ZSCAN16: variants seen among roughly 807,000 people sequenced by gnomAD.
ZSCAN16 encodes zinc finger and SCAN domain containing 16.
A neutral mutation model predicts 19.4 loss-of-function variants in ZSCAN16; 15 were observed. The observed-to-expected ratio is 0.77, with a 90% CI of 0.52 to 1.19. The LOEUF (loss-of-function observed/expected upper bound fraction) is 1.19, where lower values mean the gene tolerates loss of function less well. Among genes scored for constraint, ZSCAN16 ranks in the 50% most tolerant of loss-of-function variants. ZSCAN16 has a pLI of 0.00. For synonymous variants in ZSCAN16, 138 were observed against 146.5 expected (o/e 0.94, Z 0.42); for missense variants, 327 against 415.7 (o/e 0.79, Z 1.86).
Position 28,129,780 on chromosome 6 carries a change from A to C in ZSCAN16, c.877A>C (p.Lys293Gln), listed in dbSNP as rs200359435. 8.5e-4 allele frequency: 1,368 copies of C among 1,614,038 alleles called. 1 individual carries two copies. The highest frequency in any genetic ancestry group is 1.1e-3 in the Non-Finnish European group (1,277 of 1,180,012). ...AGTACACACGGGAGTAAAACCCTAT[A>C]AATGTAAAGAATGTGGGAAAGACTT... ...HRVHTGVKPY[K>Q]CKECGKDFSG... Residue 293 changes from lysine (K) to glutamine (Q), a missense_variant, in exon 4 of 4, where the codon AAA becomes CAA. Physicochemically the swap from Lys to Gln is moderately conservative, Grantham distance 53. Transcript: ENST00000340487.
rs550695549 is a variant in ZSCAN16 at position 28,126,270 on chromosome 6, A to C, written c.387+440A>C. ...TTTAAATTTTCTAGTAGCCACATTA[A>C]AAAAAAAGGTGAAATATATATTTTA... On this transcript the variant is annotated intron_variant, in intron 2 of 3. Coordinates refer to ENST00000340487, the MANE Select transcript of ZSCAN16 (RefSeq NM_025231.3). 3.6e-3 allele frequency among the ~76,000 whole-genome samples: 319 copies of C among 89,312 alleles called. 2 individuals carry two copies. The highest frequency in any genetic ancestry group is 0.014 in the African/African-American group (295 of 20,386). 58.6% of individuals were successfully genotyped at this position (89,312 alleles called of 152,430 possible).
chr6:28,129,863 T>C lies in ZSCAN16; in HGVS notation c.960T>C (p.Tyr320=), dbSNP rs1470328007. ...GAATCCACACAGGTGAAAAACCCTATGAATGTGATGAGTGTGGAAGGCCTT... is the reference window on the plus strand; with the variant it reads ...GAATCCACACAGGTGAAAAACCCTACGAATGTGATGAGTGTGGAAGGCCTT... ...HQRIHTGEKP[Y]ECDECGRPFR... The change falls in exon 4 of 4, where the codon TAT becomes TAC. Residue 320 remains tyrosine, a synonymous_variant. Transcript: ENST00000340487. 6.2e-7 allele frequency: 1 copy of C among 1,614,182 alleles called. No individual in the cohort carries two copies. The highest frequency in any genetic ancestry group is 8.5e-7 in the Non-Finnish European group (1 of 1,180,022).
intron 3 of ZSCAN16, 55 bp downstream of exon 3, chr6:28,126,976 G>A (rs2113710781): frequency 7.4e-7 from 1 of 1,346,774 alleles, no homozygotes; most frequent in East Asian, 2.7e-5. Context: ...TTAGGTTAGA[G>A]GAAAACTTTC....
rs533092801 is a variant in ZSCAN16 at position 28,129,136 on chromosome 6, A to G, written c.527-294A>G. On this transcript the variant is annotated intron_variant, in intron 3 of 3. Coordinates refer to ENST00000340487, the MANE Select transcript of ZSCAN16 (RefSeq NM_025231.3). ...CTCATTTATCCGTCTTCCCTTACATAGTATTGCTAACTTATCTCTTGAGCT... is the reference window on the plus strand; with the variant it reads ...CTCATTTATCCGTCTTCCCTTACATGGTATTGCTAACTTATCTCTTGAGCT... Among the ~76,000 whole-genome samples, 62 of 152,252 alleles carry G rather than the reference A, an allele frequency of 4.1e-4. 1 individual carries two copies. In the South Asian group the frequency reaches 4.1e-3, roughly 10 times the overall value.
chr6:28,128,853 A>G (rs1398556864), intron 3 of ZSCAN16, among the ~76,000 whole-genome samples: 5 of 152,118 alleles, frequency 3.3e-5, no homozygotes, highest in Non-Finnish European at 7.4e-5. Context: ...TCATTCCTCT[A>G]TTTACTCTGA....
rs1764881284 is a variant in ZSCAN16 at position 28,125,680 on chromosome 6, G to A, written c.237G>A (p.Gln79=). ...GGCCAGAATGCCACACCAAGGAGCA[G>A]ATTTTAGACCTGCTGGTGCTAGAAC... The part of the protein sequence containing the change: ...WLRPECHTKE[Q]ILDLLVLEQF... The change falls in exon 2 of 4, where the codon CAG becomes CAA. Residue 79 remains glutamine (Q), a synonymous_variant. Transcript: ENST00000340487. This position sits in a 1 kb window ranked among gnomAD's most constrained non-coding sequence, Gnocchi z 6.2. The A allele has an allele frequency of 6.2e-7, 1 of 1,614,246 alleles. No individual in the cohort carries two copies. The highest frequency in any genetic ancestry group is 1.3e-5 in the African/African-American group (1 of 75,080).
intron 3 of ZSCAN16, among the ~76,000 whole-genome samples, chr6:28,128,516 G>C (rs1000361029): frequency 1.3e-5 from 2 of 152,112 alleles, no homozygotes; most frequent in Non-Finnish European, 2.9e-5. Context: ...CACAGAGTAG[G>C]CTTGCTTGAG....
chr6:28,129,728 G>A lies in ZSCAN16; in HGVS notation c.825G>A (p.Gln275=). The part of the protein sequence containing the change: ...KCDECGKAFI[Q]RSHLIGHHRV... Reference sequence around the variant, plus strand: ...ATGAGTGTGGAAAAGCCTTCATTCAGCGCTCACATCTCATTGGACATCATA... The same window carrying A: ...ATGAGTGTGGAAAAGCCTTCATTCAACGCTCACATCTCATTGGACATCATA... Residue 275 remains glutamine, a synonymous_variant, in exon 4 of 4, where the codon CAG becomes CAA. Coordinates refer to ENST00000340487, the MANE Select transcript of ZSCAN16 (RefSeq NM_025231.3). The A allele has an allele frequency of 6.2e-7, 1 of 1,614,092 alleles. No homozygotes were observed. Among genetic ancestry groups the A allele is most frequent in the African/African-American group, 1.3e-5 (1 of 75,036 alleles).
At position 28,129,829 on chromosome 6, in the gene ZSCAN16, A is replaced by G; in HGVS notation, c.926A>G (p.Gln309Arg). ...KDFSGRTGLI[Q>R]HQRIHTGEKP... ...TTCAGTGGGCGCACAGGTCTTATTC[A>G]GCATCAGAGAATCCACACAGGTGAA... is the stretch of plus-strand genomic sequence containing the variant. Residue 309 changes from glutamine (Q) to arginine (R), a missense_variant, in exon 4 of 4, where the codon CAG (glutamine) becomes CGG (arginine). Coordinates refer to ENST00000340487, the MANE Select transcript of ZSCAN16 (RefSeq NM_025231.3). 6.2e-7 allele frequency: 1 copy of G among 1,614,224 alleles called. No homozygotes were observed. The highest frequency in any genetic ancestry group is 8.5e-7 in the Non-Finnish European group (1 of 1,180,028).
chr6:28,125,768 G>A lies in ZSCAN16; in HGVS notation c.325G>A (p.Gly109Arg), dbSNP rs1350755613. The change falls in exon 2 of 4, where the codon GGA becomes AGA. Residue 109 changes from glycine (G) to arginine (R), a missense_variant. Coordinates refer to ENST00000340487, the MANE Select transcript of ZSCAN16 (RefSeq NM_025231.3). This position sits in a 1 kb window ranked among gnomAD's most constrained non-coding sequence, Gnocchi z 6.2. Reference protein sequence around the residue: ...AWVRAHHPETGEEAVTVLEDL... With the variant: ...AWVRAHHPETREEAVTVLEDL... Reference sequence around the variant, plus strand: ...GGTGCGTGCACACCATCCAGAGACTGGAGAGGAGGCAGTGACGGTACTGGA... The same window carrying A: ...GGTGCGTGCACACCATCCAGAGACTAGAGAGGAGGCAGTGACGGTACTGGA... 1 of 1,614,116 alleles carries A rather than the reference G, an allele frequency of 6.2e-7. No homozygotes were observed. Among genetic ancestry groups the A allele is most frequent in the Non-Finnish European group, 8.5e-7 (1 of 1,179,974 alleles).
chr6:28,127,046 T>C, intron 3 of ZSCAN16, 125 bp downstream of exon 3: 4 of 833,208 alleles, frequency 4.8e-6, no homozygotes, highest in Non-Finnish European at 6.6e-6. Context: ...CTATGGACAA[T>C]TTTATCCTCC....
chr6:28,125,289 G>A lies in ZSCAN16; in HGVS notation c.-31-124G>A. 1 of 1,115,688 alleles carries A rather than the reference G, an allele frequency of 9.0e-7. No individual in the cohort carries two copies. Among genetic ancestry groups the A allele is most frequent in the South Asian group, 1.8e-5 (1 of 55,584 alleles). The allele number at this position is 1,115,688 out of a possible 1,614,324, so 69.1% of individuals were successfully genotyped here. The stretch of plus-strand genomic sequence containing the variant: ...TTCTCTGATTGACTTCTGGTGGCTT[G>A]GCTTCATTATGATGTGTTTATGTTC... On this transcript the variant is annotated intron_variant, in intron 1 of 3. Transcript: ENST00000340487. This position sits in a 1 kb window ranked among gnomAD's most constrained non-coding sequence, Gnocchi z 6.2.
rs766436598 is a variant in ZSCAN16 at position 28,125,797 on chromosome 6, T to G, written c.354T>G (p.Asp118Glu). 1.2e-6 allele frequency: 2 copies of G among 1,612,022 alleles called. No individual in the cohort carries two copies. The highest frequency in any genetic ancestry group is 2.2e-5 in the South Asian group (2 of 90,902). Residue 118 changes from aspartate to glutamate, a missense_variant, in exon 2 of 4, where the codon GAT becomes GAG. By Grantham distance (45) the Asp-to-Glu change is conservative. Coordinates refer to ENST00000340487, the MANE Select transcript of ZSCAN16 (RefSeq NM_025231.3). The surrounding 1 kb of genome is among the most constrained non-coding windows in gnomAD (Gnocchi z 6.2). ...AGGAGGCAGTGACGGTACTGGAGGA[T>G]CTGGAGAGAGAGCTTGATGAACCTG... Reference protein sequence around the residue: ...TGEEAVTVLEDLERELDEPGK... With the variant: ...TGEEAVTVLEELERELDEPGK...
At chr6:28,126,085 G>T (rs990031373) in intron 2 of ZSCAN16, among the ~76,000 whole-genome samples, 9 of 152,026 alleles carry the variant, frequency 5.9e-5, no homozygotes, top group African/African-American at 2.2e-4. Flanking sequence ...CAGAGGAAAA[G>T]AAATAATTTT....
Position 28,130,021 on chromosome 6 carries a change from C to T in ZSCAN16, c.*71C>T. The T allele has an allele frequency of 7.9e-7, 1 of 1,258,568 alleles. No homozygotes were observed. The highest frequency in any genetic ancestry group is 1.1e-6 in the Non-Finnish European group (1 of 917,474). The allele number at this position is 1,258,568 out of a possible 1,614,324, so 78.0% of individuals were successfully genotyped here. A position where few individuals can be genotyped will look rare whatever the true frequency, so the allele number is the denominator to read the frequency against. On this transcript the variant is annotated 3_prime_UTR_variant, in exon 4 of 4. Coordinates refer to ENST00000340487, the MANE Select transcript of ZSCAN16 (RefSeq NM_025231.3). ...GTTATCAAAGAATCTATTTTAGAAA[C>T]CTTGAGTTTCCTCAATGTGGTCAAA...
In ZSCAN16 at chr6:28,125,628, T is replaced by G. The variant is rs377451876; in HGVS notation, c.185T>G (p.Leu62Arg). Residue 62 changes from leucine to arginine, a missense_variant, in exon 2 of 4, where the codon CTG becomes CGG. Coordinates refer to ENST00000340487, the MANE Select transcript of ZSCAN16 (RefSeq NM_025231.3). This position sits in a 1 kb window ranked among gnomAD's most constrained non-coding sequence, Gnocchi z 6.2. ...GGACCCCGTGAAGCTCTTACCCAGC[T>G]GTGGGAGCTCTGCCGTCAGTGGCTG... is the stretch of plus-strand genomic sequence containing the variant. The part of the protein sequence containing the change: ...APGPREALTQ[L>R]WELCRQWLRP... 3.1e-6 allele frequency: 5 copies of G among 1,614,264 alleles called. No individual in the cohort carries two copies. The highest frequency in any genetic ancestry group is 2.2e-5 in the East Asian group (1 of 44,892).
intron 2 of ZSCAN16, among the ~76,000 whole-genome samples, chr6:28,126,416 C>T (rs1488407314): frequency 6.6e-6 from 1 of 152,078 alleles, no homozygotes; most frequent in African/African-American, 2.4e-5. Flanking sequence ...TTTGTACTAG[C>T]CATATTTTAA....
Position 28,129,807 on chromosome 6 carries a change from A to G in ZSCAN16, c.904A>G (p.Ser302Gly). The G allele has an allele frequency of 6.2e-7, 1 of 1,614,204 alleles. No homozygotes were observed. Among genetic ancestry groups the G allele is most frequent in the Non-Finnish European group, 8.5e-7 (1 of 1,180,020 alleles). ...ATGTAAAGAATGTGGGAAAGACTTCAGTGGGCGCACAGGTCTTATTCAGCA... is the reference window on the plus strand; with the variant it reads ...ATGTAAAGAATGTGGGAAAGACTTCGGTGGGCGCACAGGTCTTATTCAGCA... ...YKCKECGKDF[S>G]GRTGLIQHQR... is the part of the protein sequence containing the mutation. Residue 302 changes from serine to glycine, a missense_variant, in exon 4 of 4, where the codon AGT becomes GGT. Ser to Gly is a moderately conservative substitution (Grantham distance 56). Transcript: ENST00000340487.
In ZSCAN16 at chr6:28,125,659, A is replaced by G; in HGVS notation, c.216A>G (p.Pro72=). ...AGCTCTGCCGTCAGTGGCTGAGGCC[A>G]GAATGCCACACCAAGGAGCAGATTT... ...LWELCRQWLR[P]ECHTKEQILD... is the part of the protein sequence containing the mutation. The change falls in exon 2 of 4, where the codon CCA becomes CCG. Residue 72 remains proline (P), a synonymous_variant. Coordinates refer to ENST00000340487, the MANE Select transcript of ZSCAN16 (RefSeq NM_025231.3). This position sits in a 1 kb window ranked among gnomAD's most constrained non-coding sequence, Gnocchi z 6.2. 9.3e-6 allele frequency: 15 copies of G among 1,614,264 alleles called. No homozygotes were observed. The highest frequency in any genetic ancestry group is 1.1e-5 in the Non-Finnish European group (13 of 1,180,046).
Sources: allele counts gnomAD v4.1 joint callset (sites outside exome capture counted in the v4.1 genomes callset), GRCh38; gene constraint gnomAD v4.1.1; non-coding constraint Gnocchi (gnomAD v3.1); transcripts MANE v1.5; gene names NCBI Gene and HGNC (gene_info 2026-07-23, HGNC 2026-07-21).